The following LMO3 variants were observed in gnomAD, a reference collection of about 807,000 sequenced individuals.
LMO3 encodes the protein LIM domain only protein 3.
A neutral mutation model predicts 15.8 loss-of-function variants in LMO3; 2 were observed. That is an observed-to-expected ratio of 0.13 (90% CI 0.05 to 0.40). The LOEUF (loss-of-function observed/expected upper bound fraction) is 0.40, where lower values mean the gene tolerates loss of function less well. Ranked by LOEUF, LMO3 falls within the 10% of genes least tolerant of loss-of-function variation. The probability of loss-of-function intolerance (pLI) is 0.99; values close to 1 mark genes in which losing one functional copy is unlikely to be tolerated. For missense variants in LMO3, 86 were observed against 182.2 expected, an observed-to-expected ratio of 0.47 and a Z score of 3.04; for synonymous variants, 62 against 63.8, an observed-to-expected ratio of 0.97 and a Z score of 0.13.
rs997359532 is a variant in LMO3 at position 16,596,178 on chromosome 12, G to C, written c.206+4477C>G. 2.0e-5 allele frequency among the ~76,000 whole-genome samples: 3 copies of C among 151,344 alleles called. No homozygotes were observed. The highest frequency in any genetic ancestry group is 4.8e-5 in the African/African-American group (2 of 41,342). ...CAATTTATTTTTATTTTCTCTTTTA[G>C]AGTTATTATATTATTATATTAAAGC... On this transcript the variant is annotated intron_variant, in intron 2 of 3. Coordinates refer to ENST00000537304, the MANE Select transcript of LMO3 (RefSeq NM_018640.5). The surrounding 1 kb of genome is among the most constrained non-coding windows in gnomAD (Gnocchi z 4.3).
Position 16,560,344 on chromosome 12 carries a change from A to G in LMO3, c.332+69T>C. 1 of 1,491,746 alleles carries G rather than the reference A, an allele frequency of 6.7e-7. No individual in the cohort carries two copies. The highest frequency in any genetic ancestry group is 1.3e-5 in the South Asian group (1 of 77,764). 92.4% of individuals were successfully genotyped at this position (1,491,746 alleles called of 1,614,324 possible). On this transcript the variant is annotated intron_variant, in intron 3 of 3. Transcript: ENST00000537304. This position sits in a 1 kb window ranked among gnomAD's most constrained non-coding sequence, Gnocchi z 5.0. Reference sequence around the variant, plus strand: ...CTTTAAATGTATGAATATAATTTCCACCTATTAAATAAATAGCCAGCACAG... The same window carrying G: ...CTTTAAATGTATGAATATAATTTCCGCCTATTAAATAAATAGCCAGCACAG...
At chr12:16,601,514 C>G (rs942895115) in intron 1 of LMO3, among the ~76,000 whole-genome samples, 2 of 152,148 alleles carry the variant, frequency 1.3e-5, no homozygotes, top group East Asian at 3.8e-4. Context: ...AACATTTATA[C>G]TCACAAGCAT....
In LMO3 at chr12:16,576,452, A is replaced by G. The variant is rs900802941; in HGVS notation, c.207-15914T>C. On this transcript the variant is annotated intron_variant, in intron 2 of 3. Transcript: ENST00000537304. This position sits in a 1 kb window ranked among gnomAD's most constrained non-coding sequence, Gnocchi z 4.1. ...AAGACTACTGCTGCTTTTTTTTCAT[A>G]TTCAGATCAAATGTCAATGGATCTA... is the stretch of plus-strand genomic sequence containing the variant. 2.0e-5 allele frequency among the ~76,000 whole-genome samples: 3 copies of G among 152,144 alleles called. No individual in the cohort carries two copies. The East Asian group carries it at 5.8e-4, about 29-fold the overall frequency.
chr12:16,552,773 C>T (rs1942038403), intron 3 of LMO3, among the ~76,000 whole-genome samples: 1 of 152,014 alleles, frequency 6.6e-6, no homozygotes, highest in Non-Finnish European at 1.5e-5. Context: ...ATACAATGAA[C>T]ATTCAAGTTT....
chr12:16,604,729 C>T lies in LMO3; in HGVS notation c.-9+1337G>A. The T allele has an allele frequency of 1.0e-6, 1 of 956,702 alleles. No individual in the cohort carries two copies. The highest frequency in any genetic ancestry group is 1.6e-6 in the Non-Finnish European group (1 of 621,358). 59.3% of individuals were successfully genotyped at this position (956,702 alleles called of 1,614,324 possible). Reference sequence around the variant, plus strand: ...AAGATTAATTGGTTTAAGCAGCAGTCTTTCAAAGCAGTTACAACAATAATA... The same window carrying T: ...AAGATTAATTGGTTTAAGCAGCAGTTTTTCAAAGCAGTTACAACAATAATA... On this transcript the variant is annotated intron_variant, in intron 1 of 3. Coordinates refer to ENST00000537304, the MANE Select transcript of LMO3 (RefSeq NM_018640.5). The surrounding 1 kb of genome is among the most constrained non-coding windows in gnomAD (Gnocchi z 5.3).
rs550690885 is a variant in LMO3, at chr12:16,602,992, G to A, written c.-8-2124C>T. The stretch of plus-strand genomic sequence containing the variant: ...TCACAAAGCTCAAAGATGAAAAATC[G>A]AAAAAAAAAAAAATCCCAGTAGCAG... On this transcript the variant is annotated intron_variant, in intron 1 of 3. Coordinates refer to ENST00000537304, the MANE Select transcript of LMO3 (RefSeq NM_018640.5). Among the ~76,000 whole-genome samples, 676 of 143,572 alleles carry A rather than the reference G, an allele frequency of 4.7e-3. 6 individuals are homozygous for A. Among genetic ancestry groups the A allele is most frequent in the African/African-American group, 0.017 (637 of 38,210 alleles). 94.2% of individuals were successfully genotyped at this position (143,572 alleles called of 152,430 possible).
At position 16,550,247 on chromosome 12, in the gene LMO3, C is replaced by T. The variant is rs952386565; in HGVS notation, c.*975G>A. 5.3e-5 allele frequency: 8 copies of T among 152,348 alleles called. No homozygotes were observed. Among genetic ancestry groups the T allele is most frequent in the African/African-American group, 1.9e-4 (8 of 41,424 alleles). 9.4% of individuals were successfully genotyped at this position (152,348 alleles called of 1,614,324 possible). Reference sequence around the variant, plus strand: ...TATTAAGCCATAAAGTTATGAAACCCTCAGCTCTTGTGGAGAGATCTGGGC... The same window carrying T: ...TATTAAGCCATAAAGTTATGAAACCTTCAGCTCTTGTGGAGAGATCTGGGC... On this transcript the variant is annotated 3_prime_UTR_variant, in exon 4 of 4. Transcript: ENST00000537304.
chr12:16,570,468 T>G (rs896059888), intron 2 of LMO3, among the ~76,000 whole-genome samples: 3 of 151,990 alleles, frequency 2.0e-5, no homozygotes, highest in Non-Finnish European at 4.4e-5. Context: ...AAAAGAAAAA[T>G]AAAGAAAATG....
intron 2 of LMO3, among the ~76,000 whole-genome samples, chr12:16,577,637 TAACA>T (rs973232624): frequency 7.9e-5 from 12 of 152,224 alleles, no homozygotes; most frequent in Non-Finnish European, 1.3e-4. Flanking sequence ...GTAAGAATAA[TAACA>T]AACAAACAGA....
chr12:16,597,437 A>G lies in LMO3; in HGVS notation c.206+3218T>C, dbSNP rs1943694006. Among the ~76,000 whole-genome samples the G allele has an allele frequency of 6.6e-6, 1 of 151,746 alleles. No homozygotes were observed. The highest frequency in any genetic ancestry group is 1.5e-5 in the Non-Finnish European group (1 of 67,726). ...ATCACATCATCATTATCACTACTCA[A>G]AGTAACACAAGTAAAACACAGATCT... On this transcript the variant is annotated intron_variant, in intron 2 of 3. Transcript: ENST00000537304. The surrounding 1 kb of genome is among the most constrained non-coding windows in gnomAD (Gnocchi z 5.0).
intron 2 of LMO3, chr12:16,594,386 CA>C (rs1943584588): frequency 2.6e-6 from 2 of 764,020 alleles, no homozygotes; most frequent in African/African-American, 3.5e-5. Context: ...ATGGCTAATA[CA>C]AATGGAGTTT....
chr12:16,564,359 G>T (rs904966740), intron 2 of LMO3, among the ~76,000 whole-genome samples: 1 of 152,176 alleles, frequency 6.6e-6, no homozygotes, highest in Non-Finnish European at 1.5e-5. Flanking sequence ...AGAACATTTT[G>T]CATTTTTACT....
At chr12:16,590,599 G>T (rs530857952) in intron 2 of LMO3, among the ~76,000 whole-genome samples, 1 of 149,686 alleles carries the variant, frequency 6.7e-6, no homozygotes, top group Admixed American at 6.6e-5. Context: ...TATTACCTAA[G>T]AATTAAAAAA....
At position 16,549,909 on chromosome 12, in the gene LMO3, GAC is replaced by G. The variant is rs769329410; in HGVS notation, c.*1311_*1312del. 34 of 152,124 alleles carry G rather than the reference GAC, an allele frequency of 2.2e-4. No individual in the cohort carries two copies. In the Middle Eastern group the frequency reaches 0.01, roughly 46 times the overall value. 9.4% of individuals were successfully genotyped at this position (152,124 alleles called of 1,614,324 possible). A position where few individuals can be genotyped will look rare whatever the true frequency, so the allele number is the denominator to read the frequency against. ...ACTATTTCACCTTAAAAAATGGAAAGACAAATTTCAGCCTAAGAATGATGTAT... is the reference window on the plus strand; with the variant it reads ...ACTATTTCACCTTAAAAAATGGAAAGAAATTTCAGCCTAAGAATGATGTAT... On this transcript the variant is annotated 3_prime_UTR_variant, in exon 4 of 4. Coordinates refer to ENST00000537304, the MANE Select transcript of LMO3 (RefSeq NM_018640.5).
At position 16,551,030 on chromosome 12, in the gene LMO3, T is replaced by G; in HGVS notation, c.*192A>C. ...TGTACATTACTTTTTTCTTTAATAA[T>G]AAACATTCAACTCTGAACTGGGGCA... On this transcript the variant is annotated 3_prime_UTR_variant, in exon 4 of 4. Coordinates refer to ENST00000537304, the MANE Select transcript of LMO3 (RefSeq NM_018640.5). 2.0e-6 allele frequency: 1 copy of G among 497,078 alleles called. No homozygotes were observed. Among genetic ancestry groups the G allele is most frequent in the Non-Finnish European group, 3.6e-6 (1 of 276,980 alleles). The allele number at this position is 497,078 out of a possible 1,614,324, so 30.8% of individuals were successfully genotyped here.
At position 16,577,152 on chromosome 12, in the gene LMO3, T is replaced by C. The variant is rs577126232; in HGVS notation, c.207-16614A>G. 2.6e-3 allele frequency among the ~76,000 whole-genome samples: 402 copies of C among 152,306 alleles called. 3 individuals are homozygous for C. Among genetic ancestry groups the C allele is most frequent in the South Asian group, 0.011 (51 of 4,824 alleles). On this transcript the variant is annotated intron_variant, in intron 2 of 3. Transcript: ENST00000537304. The stretch of plus-strand genomic sequence containing the variant: ...TGTATCCCTCATATCTAGTGATATT[T>C]CTTTACCATCATTACCCCATTACTC...
At chr12:16,600,291 C>CAA (rs35993210) in intron 2 of LMO3, 234 of 69,614 alleles carry the variant, frequency 3.4e-3, no homozygotes, top group Admixed American at 4.5e-3. Flanking sequence ...CCTTAAGCTC[C>CAA]AAAAAAAAAA....
At chr12:16,579,069 C>G (rs1283383775) in intron 2 of LMO3, among the ~76,000 whole-genome samples, 1 of 152,084 alleles carries the variant, frequency 6.6e-6, no homozygotes, top group South Asian at 2.1e-4. Context: ...CAAACACTCT[C>G]TAGAGCTTAG....
At chr12:16,594,032 G>T in intron 2 of LMO3, 1 of 1,049,788 alleles carries the variant, frequency 9.5e-7, no homozygotes, top group Non-Finnish European at 1.4e-6. Flanking sequence ...TGTCCTACAT[G>T]TTAGACTGAT....
Sources: allele counts gnomAD v4.1 joint callset (sites outside exome capture counted in the v4.1 genomes callset), GRCh38; gene constraint gnomAD v4.1.1; non-coding constraint Gnocchi (gnomAD v3.1); transcripts MANE v1.5; gene names NCBI Gene and HGNC (gene_info 2026-07-23, HGNC 2026-07-21).